Variants in AKAP13 observed in about 807,000 individuals in gnomAD.
AKAP13 encodes the protein A-kinase anchoring protein 13.
Under a neutral mutation model 264.5 loss-of-function variants are expected in AKAP13, and 80 were observed. The ratio of observed to expected loss-of-function variants is 0.30; its 90% CI spans 0.25 to 0.36. The LOEUF is 0.36. Among genes scored for constraint, AKAP13 ranks in the 10% least tolerant of loss-of-function variants. The pLI is 1.00. For synonymous variants in AKAP13, 1,380 were observed against 1,250.2 expected (o/e 1.10, Z -2.19); for missense variants, 3,712 against 3,435.2 (o/e 1.08, Z -2.01).
chr15:85,650,791 C>CAAA (rs1191739643), intron 10 of AKAP13, among the ~76,000 whole-genome samples: 15 of 65,142 alleles, frequency 2.3e-4, no homozygotes, highest in Admixed American at 3.6e-4. Context: ...AAAAAAAAAA[C>CAAA]AACAAAAACT....
intron 16 of AKAP13, among the ~76,000 whole-genome samples, chr15:85,687,608 T>C (rs12594932): frequency 0.046 from 7,042 of 152,310 alleles, 245 homozygotes; most frequent in East Asian, 0.17. Context: ...CCCTGAATTG[T>C]AGTCCATTTC....
intron 1 of AKAP13, among the ~76,000 whole-genome samples, chr15:85,478,886 C>T (rs1366825281): frequency 6.6e-6 from 1 of 152,080 alleles, no homozygotes; most frequent in Admixed American, 6.6e-5. Flanking sequence ...AGCAAAGGAT[C>T]ACCAGATTTG....
chr15:85,618,486 T>G (rs939255656), intron 8 of AKAP13, among the ~76,000 whole-genome samples: 1 of 152,118 alleles, frequency 6.6e-6, no homozygotes, highest in East Asian at 1.9e-4. Context: ...CTTTTGTTTC[T>G]TCACTCCTTT....
At chr15:85,458,780 AC>A (rs1338493871) in intron 1 of AKAP13, among the ~76,000 whole-genome samples, 1 of 152,178 alleles carries the variant, frequency 6.6e-6, no homozygotes, top group African/African-American at 2.4e-5. Context: ...AAATTACTTA[AC>A]AGCTTAAGTT....
At chr15:85,431,693 T>C (rs529497443) in intron 1 of AKAP13, among the ~76,000 whole-genome samples, 1 of 152,308 alleles carries the variant, frequency 6.6e-6, no homozygotes, top group East Asian at 1.9e-4. Context: ...AGGTAGTAAC[T>C]TCAAGATGTA....
At chr15:85,675,602 C>G (rs144341896) in intron 14 of AKAP13, among the ~76,000 whole-genome samples, 1 of 152,322 alleles carries the variant, frequency 6.6e-6, no homozygotes, top group East Asian at 1.9e-4. Flanking sequence ...TTCCTCACCA[C>G]ATTTACAGAT....
intron 8 of AKAP13, among the ~76,000 whole-genome samples, chr15:85,600,745 A>G (rs1263622271): frequency 3.3e-5 from 5 of 152,234 alleles, no homozygotes; most frequent in Non-Finnish European, 7.3e-5. Context: ...TGTCCTGATG[A>G]CCACAATGAA....
intron 16 of AKAP13, among the ~76,000 whole-genome samples, chr15:85,687,505 A>G (rs1298137242): frequency 6.6e-6 from 1 of 152,094 alleles, no homozygotes; most frequent in Non-Finnish European, 1.5e-5. Flanking sequence ...TGCAATTGAG[A>G]TTGGTTCCTC....
intron 1 of AKAP13, among the ~76,000 whole-genome samples, chr15:85,437,271 A>G (rs546253765): frequency 6.6e-6 from 1 of 151,042 alleles, no homozygotes; most frequent in East Asian, 1.9e-4. Flanking sequence ...CTAAACCAGG[A>G]AGAAGTTGAA....
intron 3 of AKAP13, among the ~76,000 whole-genome samples, chr15:85,523,692 CTG>C (rs1422350304): frequency 5.9e-5 from 9 of 152,190 alleles, no homozygotes; most frequent in African/African-American, 1.7e-4. Context: ...TTCTAGGAAA[CTG>C]TCACTTGATA....
chr15:85,578,505 G>A (rs1382139153), intron 6 of AKAP13, among the ~76,000 whole-genome samples: 3 of 151,850 alleles, frequency 2.0e-5, no homozygotes, highest in Admixed American at 6.6e-5. Flanking sequence ...GCACCACTAC[G>A]CCCAGCTAAT....
At chr15:85,562,698 T>C (rs867816838) in intron 5 of AKAP13, among the ~76,000 whole-genome samples, 25,083 of 129,350 alleles carry the variant, frequency 0.19, 3,174 homozygotes, top group Middle Eastern at 0.4. Flanking sequence ...TTTCTTTTTT[T>C]TTTTTTTTTT....
Position 85,727,244 on chromosome 15 carries a change from C to A in AKAP13, c.7001C>A (p.Thr2334Asn). ...CAGATCATTCAGGACACAATCAACA[C>A]CCTGTAAGTTAACCACCAGGCCCCA... Reference protein sequence around the residue: ...WIQIIQDTINTLNRDEDEGIP... With the variant: ...WIQIIQDTINNLNRDEDEGIP... Residue 2334 changes from threonine to asparagine, a missense_variant, in exon 28 of 37, where the codon ACC becomes AAC. This residue lies in a region of AKAP13 where 342 missense variants were observed against 484.3 expected (regional missense o/e 0.71). Coordinates refer to ENST00000394518, the MANE Select transcript of AKAP13 (RefSeq NM_007200.5). This position sits in a 1 kb window ranked among gnomAD's most constrained non-coding sequence, Gnocchi z 5.3. The A allele has an allele frequency of 6.2e-7, 1 of 1,614,080 alleles. No individual in the cohort carries two copies. The highest frequency in any genetic ancestry group is 8.5e-7 in the Non-Finnish European group (1 of 1,179,956).
At chr15:85,630,234 A>AACACACAC (rs71141472) in intron 8 of AKAP13, among the ~76,000 whole-genome samples, 5,754 of 119,078 alleles carry the variant, frequency 0.048, 226 homozygotes, top group African/African-American at 0.091. Context: ...GGAAAATTGT[A>AACACACAC]ACACACACAC....
intron 7 of AKAP13, among the ~76,000 whole-genome samples, chr15:85,582,633 G>A (rs1041137299): frequency 3.3e-5 from 5 of 151,564 alleles, no homozygotes; most frequent in African/African-American, 1.2e-4. Flanking sequence ...CCAAAATGGT[G>A]GTATTAGGTC....
chr15:85,679,287 A>G (rs1298991325), intron 14 of AKAP13, among the ~76,000 whole-genome samples: 1 of 152,122 alleles, frequency 6.6e-6, no homozygotes, highest in African/African-American at 2.4e-5. Flanking sequence ...ATACAGAATT[A>G]TGATCCTATA....
At position 85,619,271 on chromosome 15, in the gene AKAP13, G is replaced by C. The variant is rs563423129; in HGVS notation, c.4162-20103G>C. ...ATTGGGTTTTCAAACCTCCAAGGCT[G>C]CGGGTGCGGAGCTGAAAGGGCAAGC... On this transcript the variant is annotated intron_variant, in intron 8 of 36. Transcript: ENST00000394518. The C allele has an allele frequency of 5.8e-6, 4 of 693,144 alleles. No homozygotes were observed. In the African/African-American group the frequency reaches 7.8e-5, roughly 13 times the overall value. 42.9% of individuals were successfully genotyped at this position (693,144 alleles called of 1,614,324 possible). A position where few individuals can be genotyped will look rare whatever the true frequency, so the allele number is the denominator to read the frequency against.
At chr15:85,494,397 C>A (rs889340240) in intron 2 of AKAP13, among the ~76,000 whole-genome samples, 11 of 152,170 alleles carry the variant, frequency 7.2e-5, no homozygotes, top group Non-Finnish European at 1.6e-4. Flanking sequence ...TCTGTCTAGG[C>A]CAGGCCTGAA....
chr15:85,468,824 A>G (rs2151017886), intron 1 of AKAP13, among the ~76,000 whole-genome samples: 1 of 152,024 alleles, frequency 6.6e-6, no homozygotes, highest in South Asian at 2.1e-4. Context: ...ATTGCCTTGC[A>G]ATTAGGAGTT....
Sources: allele counts gnomAD v4.1 joint callset (sites outside exome capture counted in the v4.1 genomes callset), GRCh38; gene constraint gnomAD v4.1.1; regional missense constraint gnomAD v4.1.1; non-coding constraint Gnocchi (gnomAD v3.1); transcripts MANE v1.5; gene names NCBI Gene and HGNC (gene_info 2026-07-23, HGNC 2026-07-21).